PIP5K1A: variants seen among roughly 807,000 people sequenced by gnomAD.
PIP5K1A encodes phosphatidylinositol-4-phosphate 5-kinase type 1 alpha, also known as phosphatidylinositol 4-phosphate 5-kinase type-1 alpha.
In PIP5K1A, 46 loss-of-function variants were observed where a neutral mutation model predicts 72.9. The observed-to-expected ratio is 0.63, with a 90% CI of 0.50 to 0.81. PIP5K1A has a LOEUF of 0.81. Ranked by LOEUF, PIP5K1A falls within the 30% of genes least tolerant of loss-of-function variation. The pLI is 0.00. For missense variants in PIP5K1A, 458 were observed against 706.1 expected (o/e 0.65, Z 3.98); for synonymous variants, 228 against 255.1 (o/e 0.89, Z 1.01).
Position 151,231,694 on chromosome 1 carries a change from T to G in PIP5K1A, c.261T>G (p.Gly87=). Reference sequence around the variant, plus strand: ...AGACAACCTCATCAGCCTTGAAAGGTGCCATCCAGTTAGGCATTACCCACA... The same window carrying G: ...AGACAACCTCATCAGCCTTGAAAGGGGCCATCCAGTTAGGCATTACCCACA... ...YKKTTSSALK[G]AIQLGITHTV... Residue 87 remains glycine (G), a synonymous_variant, in exon 5 of 16, where the codon GGT becomes GGG. Coordinates refer to ENST00000368888, the MANE Select transcript of PIP5K1A (RefSeq NM_001135638.2). 1 of 1,613,912 alleles carries G rather than the reference T, an allele frequency of 6.2e-7. No homozygotes were observed. The highest frequency in any genetic ancestry group is 1.7e-5 in the Admixed American group (1 of 60,002).
At chr1:151,201,035 C>T (rs925167195) in intron 1 of PIP5K1A, among the ~76,000 whole-genome samples, 5 of 152,200 alleles carry the variant, frequency 3.3e-5, no homozygotes, top group East Asian at 1.9e-4. Context: ...GGGGTTTCAC[C>T]GTGTTAGCCA....
chr1:151,215,936 G>GGT, intron 1 of PIP5K1A: 1 of 1,291,738 alleles, frequency 7.7e-7, no homozygotes, highest in Non-Finnish European at 1.0e-6. Flanking sequence ...AGGAGTAAGG[G>GGT]GTAACTTTCT....
chr1:151,247,307 T>C (rs1233368847), intron 15 of PIP5K1A, among the ~76,000 whole-genome samples: 1 of 152,088 alleles, frequency 6.6e-6, no homozygotes, highest in African/African-American at 2.4e-5. Flanking sequence ...TTTTTATTTT[T>C]TAGTAGGCGC....
In PIP5K1A at chr1:151,247,777, C is replaced by G. The variant is rs1478335165; in HGVS notation, c.1687-86C>G. 5.2e-6 allele frequency: 6 copies of G among 1,157,522 alleles called. No homozygotes were observed. The African/African-American group carries it at 9.5e-5, about 18-fold the overall frequency. 71.7% of individuals were successfully genotyped at this position (1,157,522 alleles called of 1,614,324 possible). The stretch of plus-strand genomic sequence containing the variant: ...GGTACCTCATACTTGGAGGCTGAGG[C>G]TGAAATAGAAATTTCTTAACGCTTG... On this transcript the variant is annotated intron_variant, in intron 15 of 15. Transcript: ENST00000368888.
intron 1 of PIP5K1A, among the ~76,000 whole-genome samples, chr1:151,209,473 C>CT (rs1686473142): frequency 7.9e-6 from 1 of 127,032 alleles, no homozygotes; most frequent in Admixed American, 8.9e-5. Context: ...GAGTTTTGCT[C>CT]TTGTCGCCCA....
chr1:151,224,241 C>T lies in PIP5K1A; in HGVS notation c.86-4C>T, dbSNP rs1453310675. On this transcript the variant is annotated splice_polypyrimidine_tract_variant and splice_region_variant and intron_variant, in intron 1 of 15. Coordinates refer to ENST00000368888, the MANE Select transcript of PIP5K1A (RefSeq NM_001135638.2). ...TCTTATGATTGTTTTTTTTTCCCCC[C>T]TAGCAGCATCTGGAATCAAGAGACC... The T allele has an allele frequency of 1.6e-5, 25 of 1,612,306 alleles. No individual in the cohort carries two copies. Among genetic ancestry groups the T allele is most frequent in the Non-Finnish European group, 2.1e-5 (25 of 1,178,662 alleles).
chr1:151,213,814 A>C (rs1687201865), intron 1 of PIP5K1A, among the ~76,000 whole-genome samples: 1 of 152,138 alleles, frequency 6.6e-6, no homozygotes, highest in African/African-American at 2.4e-5. Context: ...TTATTAAGCA[A>C]AGAAAATGAC....
At chr1:151,247,457 GCT>G (rs939488906) in intron 15 of PIP5K1A, among the ~76,000 whole-genome samples, 6 of 150,532 alleles carry the variant, frequency 4.0e-5, no homozygotes, top group African/African-American at 1.2e-4. Flanking sequence ...ACGGAGTCTT[GCT>G]CTGTCACCCA....
At chr1:151,230,574 C>G (rs587640100) in intron 4 of PIP5K1A, among the ~76,000 whole-genome samples, 2 of 152,266 alleles carry the variant, frequency 1.3e-5, no homozygotes, top group African/African-American at 4.8e-5. Context: ...GACAGTCTGG[C>G]TGTGTTACCC....
chr1:151,242,845 T>G (rs995959996), intron 14 of PIP5K1A, among the ~76,000 whole-genome samples: 1 of 152,112 alleles, frequency 6.6e-6, no homozygotes, highest in African/African-American at 2.4e-5. Context: ...CTTATTTATG[T>G]GGTTACTGGT....
At chr1:151,239,240 C>A in intron 11 of PIP5K1A, 62 bp downstream of exon 11, 1 of 1,060,162 alleles carries the variant, frequency 9.4e-7, no homozygotes, top group Non-Finnish European at 1.4e-6. Flanking sequence ...TTCTGATTGG[C>A]CTCAGTTTCT....
At chr1:151,206,181 C>G (rs1168879819) in intron 1 of PIP5K1A, among the ~76,000 whole-genome samples, 1 of 152,172 alleles carries the variant, frequency 6.6e-6, no homozygotes, top group Non-Finnish European at 1.5e-5. Context: ...TCTTTTTAAA[C>G]TGTCTCCATT....
intron 1 of PIP5K1A, among the ~76,000 whole-genome samples, chr1:151,214,491 G>A (rs938110222): frequency 1.3e-5 from 2 of 151,552 alleles, no homozygotes; most frequent in South Asian, 2.1e-4. Context: ...AGCGATTCTC[G>A]TGCCTCAGCA....
chr1:151,225,148 A>T (rs917916176), intron 3 of PIP5K1A, among the ~76,000 whole-genome samples: 3 of 152,174 alleles, frequency 2.0e-5, no homozygotes, highest in African/African-American at 7.2e-5. Flanking sequence ...AGGCCTGTGC[A>T]ACATAGTGAG....
At chr1:151,232,808 A>G in intron 7 of PIP5K1A, 105 bp downstream of exon 7, 2 of 1,044,996 alleles carry the variant, frequency 1.9e-6, no homozygotes, top group South Asian at 1.4e-5. Flanking sequence ...CTATCTTAAG[A>G]GTGTAGTTCA....
At chr1:151,196,668 C>T (rs1289998232), upstream of PIP5K1A, among the ~76,000 whole-genome samples, 1 of 149,686 alleles carries the variant, frequency 6.7e-6, no homozygotes, top group Non-Finnish European at 1.5e-5. Flanking sequence ...AATTCTCCTG[C>T]CTCAGCCTCC....
chr1:151,213,000 C>T (rs1045924184), intron 1 of PIP5K1A, among the ~76,000 whole-genome samples: 4 of 150,826 alleles, frequency 2.7e-5, no homozygotes, highest in Non-Finnish European at 5.9e-5. Context: ...ATGCCATTCT[C>T]CTGCCTCAGC....
At chr1:151,216,360 A>C (rs1205489768) in intron 1 of PIP5K1A, among the ~76,000 whole-genome samples, 5 of 151,914 alleles carry the variant, frequency 3.3e-5, no homozygotes. Context: ...AAAAAAAAAA[A>C]AAAAAACAGT....
chr1:151,214,641 A>G (rs56048264), intron 1 of PIP5K1A, among the ~76,000 whole-genome samples: 1,729 of 152,164 alleles, frequency 0.011, 38 homozygotes, highest in African/African-American at 0.039. Context: ...TCAGCCTCCC[A>G]AAGGGCTGGG....
Sources: gnomAD v4.1 joint callset for allele counts (sites outside exome capture counted in the v4.1 genomes callset) on GRCh38, gnomAD v4.1.1 for gene constraint, MANE v1.5 for transcripts, NCBI Gene and HGNC (gene_info 2026-07-23, HGNC 2026-07-21) for gene names.